The following MYO10 variants were observed in gnomAD, a reference collection of about 807,000 sequenced individuals.
MYO10 encodes unconventional myosin-X.
MYO10 carries 133 observed loss-of-function variants against 257.3 expected under a neutral mutation model. The ratio of observed to expected loss-of-function variants is 0.52; its 90% CI spans 0.45 to 0.60. The LOEUF (loss-of-function observed/expected upper bound fraction) is 0.60, where lower values mean the gene tolerates loss of function less well. Among genes scored for constraint, MYO10 ranks in the 20% least tolerant of loss-of-function variants. MYO10 has a pLI of 0.00. For missense variants in MYO10, 2,399 were observed against 2,635.7 expected (o/e 0.91, Z 1.97); for synonymous variants, 1,104 against 1,028.6 (o/e 1.07, Z -1.40).
chr5:16,909,722 G>T (rs144863520), intron 1 of MYO10, among the ~76,000 whole-genome samples: 59 of 152,194 alleles, frequency 3.9e-4, no homozygotes, highest in Middle Eastern at 3.4e-3. Flanking sequence ...CTACCAAGTC[G>T]CATGTTGACA....
At chr5:16,726,813 T>C (rs1282523417) in intron 19 of MYO10, among the ~76,000 whole-genome samples, 4 of 152,154 alleles carry the variant, frequency 2.6e-5, no homozygotes, top group Admixed American at 6.6e-5. Flanking sequence ...TTAGTTAGAG[T>C]GAGGGCTTGT....
At chr5:16,727,645 ATAAC>A (rs1465319036) in intron 19 of MYO10, among the ~76,000 whole-genome samples, 7 of 152,202 alleles carry the variant, frequency 4.6e-5, no homozygotes, top group Non-Finnish European at 1.0e-4. Context: ...CAAACAACAT[ATAAC>A]TAACTACTTT....
intron 2 of MYO10, among the ~76,000 whole-genome samples, chr5:16,844,493 T>C (rs1006324544): frequency 4.6e-5 from 7 of 152,112 alleles, no homozygotes; most frequent in Admixed American, 6.5e-5. Flanking sequence ...ATATCTAAAG[T>C]ACGAAGCAAG....
chr5:16,743,825 A>T (rs1332203518), intron 19 of MYO10, among the ~76,000 whole-genome samples: 1 of 152,036 alleles, frequency 6.6e-6, no homozygotes, highest in East Asian at 1.9e-4. Context: ...CATACAACAC[A>T]GACAGTGGAC....
chr5:16,935,574 C>A (rs562819157), intron 1 of MYO10, among the ~76,000 whole-genome samples: 1 of 152,160 alleles, frequency 6.6e-6, no homozygotes, highest in East Asian at 1.9e-4. Flanking sequence ...CGCTACCTCC[C>A]GGAGCAAAAT....
intron 1 of MYO10, among the ~76,000 whole-genome samples, chr5:16,921,835 C>A: frequency 6.6e-6 from 1 of 152,086 alleles, no homozygotes; most frequent in East Asian, 1.9e-4. Flanking sequence ...TGATTCAAGG[C>A]CAGGGAGGCT....
chr5:16,843,521 G>A (rs952276708), intron 2 of MYO10, among the ~76,000 whole-genome samples: 5 of 152,136 alleles, frequency 3.3e-5, no homozygotes, highest in African/African-American at 1.2e-4. Context: ...GCAGGGCTAG[G>A]AGTCTAGCAT....
At chr5:16,808,496 A>G (rs1042994034) in intron 3 of MYO10, among the ~76,000 whole-genome samples, 1 of 152,098 alleles carries the variant, frequency 6.6e-6, no homozygotes, top group Admixed American at 6.5e-5. Flanking sequence ...TAAAAAATAA[A>G]CACTTAGAAA....
At chr5:16,725,109 CAG>C (rs1386870482) in intron 19 of MYO10, among the ~76,000 whole-genome samples, 6 of 90,690 alleles carry the variant, frequency 6.6e-5, no homozygotes, top group Admixed American at 1.8e-4. Context: ...TTTTTTGAGA[CAG>C]AGTCTTCCTC....
At position 16,673,830 on chromosome 5, in the gene MYO10, G is replaced by T. The variant is rs778267204; in HGVS notation, c.5024C>A (p.Ser1675Tyr). The change falls in exon 36 of 41, where the codon TCT (serine) becomes TAT (tyrosine). Residue 1675 changes from serine to tyrosine, a missense_variant. Physicochemically the swap from Ser to Tyr is moderately radical, Grantham distance 144. Around this residue, in one of 3 missense-constraint regions of MYO10, gnomAD observed 1,820 missense variants for 1,939.4 expected, o/e 0.94. Coordinates refer to ENST00000513610, the MANE Select transcript of MYO10 (RefSeq NM_012334.3). ...MEKYALFTYE[S>Y]LKKTKCREFV... ...CTCTCGGCATTTGGTTTTCTTAAGAGATTCGTAAGTGAAGAGAGCGTATTT... is the reference window on the plus strand; with the variant it reads ...CTCTCGGCATTTGGTTTTCTTAAGATATTCGTAAGTGAAGAGAGCGTATTT... 3 of 1,613,998 alleles carry T rather than the reference G, an allele frequency of 1.9e-6. No homozygotes were observed. Among genetic ancestry groups the T allele is most frequent in the Non-Finnish European group, 2.5e-6 (3 of 1,179,886 alleles).
At chr5:16,748,631 AGG>A (rs1215550842) in intron 19 of MYO10, among the ~76,000 whole-genome samples, 1,423 of 132,842 alleles carry the variant, frequency 0.011, 22 homozygotes, top group African/African-American at 0.037. Flanking sequence ...AGAGGGAGGG[AGG>A]GAGGGAGGGA....
chr5:16,927,852 G>T (rs1034944063), intron 1 of MYO10, among the ~76,000 whole-genome samples: 1 of 152,152 alleles, frequency 6.6e-6, no homozygotes, highest in African/African-American at 2.4e-5. Flanking sequence ...GTGACATGAG[G>T]TGCTAGATTT....
At position 16,869,737 on chromosome 5, in the gene MYO10, T is replaced by C. The variant is rs914675365; in HGVS notation, c.120+7872A>G. Among the ~76,000 whole-genome samples the C allele has an allele frequency of 3.3e-5, 5 of 151,312 alleles. 1 individual carries two copies. Among genetic ancestry groups the C allele is most frequent in the African/African-American group, 1.2e-4 (5 of 40,820 alleles). ...AAAATTAGCCGGGCGTGCTGACGCA[T>C]GCCTCTAATCCCAGCTACGTAGGAG... On this transcript the variant is annotated intron_variant, in intron 2 of 40. Transcript: ENST00000513610.
At chr5:16,763,442 C>A in intron 14 of MYO10, 39 bp downstream of exon 14, 2 of 1,500,840 alleles carry the variant, frequency 1.3e-6, no homozygotes, top group South Asian at 1.1e-5. Context: ...TCCAGCTGGA[C>A]CCCCTTGGGA....
chr5:16,671,684 A>T (rs1736471646), intron 37 of MYO10, 142 bp from the exon 38 acceptor site: 1 of 1,075,410 alleles, frequency 9.3e-7, no homozygotes, highest in Non-Finnish European at 1.3e-6. Context: ...AGATGGGGAT[A>T]GAGGAATAAA....
chr5:16,862,747 C>G (rs571223534), intron 2 of MYO10, among the ~76,000 whole-genome samples: 10 of 152,266 alleles, frequency 6.6e-5, no homozygotes, highest in African/African-American at 2.4e-4. Context: ...AAATACAAGA[C>G]AGTAGCCCAC....
chr5:16,846,513 G>A (rs745893606), intron 2 of MYO10, among the ~76,000 whole-genome samples: 2 of 152,218 alleles, frequency 1.3e-5, no homozygotes, highest in Admixed American at 6.5e-5. Context: ...AGGCTTCACT[G>A]ATTCACTTTC....
At chr5:16,935,682 T>C in intron 1 of MYO10, 106 bp downstream of exon 1, 1 of 1,358,062 alleles carries the variant, frequency 7.4e-7, no homozygotes, top group African/African-American at 1.4e-5. Context: ...CCCAGAAAGT[T>C]GCGCCTTCCA....
rs769988151 is a variant in MYO10, at chr5:16,836,515, T to C, written c.121-18348A>G. 1.3e-4 allele frequency among the ~76,000 whole-genome samples: 20 copies of C among 152,250 alleles called. 1 individual carries two copies. In the Middle Eastern group the frequency reaches 0.027, roughly 207 times the overall value. On this transcript the variant is annotated intron_variant, in intron 2 of 40. Coordinates refer to ENST00000513610, the MANE Select transcript of MYO10 (RefSeq NM_012334.3). The stretch of plus-strand genomic sequence containing the variant: ...ATGACTACACATGTGCCCAAGAAGA[T>C]GGGCAGATGGAAACTGATGAAAATA...
Sources: gnomAD v4.1 joint callset for allele counts (sites outside exome capture counted in the v4.1 genomes callset) on GRCh38, gnomAD v4.1.1 for gene constraint, gnomAD v4.1.1 regional missense constraint, MANE v1.5 for transcripts, NCBI Gene and HGNC (gene_info 2026-07-23, HGNC 2026-07-21) for gene names.